The following CLIP2 variants were observed in gnomAD, a reference collection of about 807,000 sequenced individuals.
CLIP2 encodes CAP-Gly domain containing linker protein 2.
A neutral mutation model predicts 111.7 loss-of-function variants in CLIP2; 41 were observed. That is an observed-to-expected ratio of 0.37 (90% CI 0.29 to 0.48). The LOEUF (loss-of-function observed/expected upper bound fraction) is 0.48. CLIP2 is among the 20% of genes least tolerant of loss of function. The pLI is 0.99. For synonymous variants in CLIP2, 660 were observed against 644.2 expected, an observed-to-expected ratio of 1.02 and a Z score of -0.37; for missense variants, 1,160 against 1,422.1, an observed-to-expected ratio of 0.82 and a Z score of 2.96.
chr7:74,360,062 G>A, intron 6 of CLIP2, 113 bp from the exon 7 acceptor site: 3 of 788,900 alleles, frequency 3.8e-6, no homozygotes, highest in Non-Finnish European at 6.0e-6. Flanking sequence ...CAGGGAAGTT[G>A]GGGTGACTGG....
chr7:74,400,429 G>A lies in CLIP2; in HGVS notation c.2940G>A (p.Ala980=), dbSNP rs554697504. 1.5e-5 allele frequency: 24 copies of A among 1,614,026 alleles called. No homozygotes were observed. In the East Asian group the frequency reaches 1.8e-4, roughly 12 times the overall value. Residue 980 remains alanine, a synonymous_variant, in exon 15 of 17, where the codon GCG becomes GCA. Transcript: ENST00000223398. ...ACTCCCTCATCGACCGGTCCTCGGC[G>A]CCCGAGCTTCTGCGGCTGCAGCACC... The part of the protein sequence containing the change: ...RRYSLIDRSS[A]PELLRLQHQL...
rs1442568217 is a variant in CLIP2, at chr7:74,389,362, G to A, written c.2720+103G>A. On this transcript the variant is annotated intron_variant, in intron 13 of 16. Transcript: ENST00000223398. ...ATCTTGGGGCAGAGAGGGGGATAGA[G>A]CTGGTGGGCCAGGTGGCCGATCTCG... is the stretch of plus-strand genomic sequence containing the variant. 2.4e-6 allele frequency: 3 copies of A among 1,271,214 alleles called. No individual in the cohort carries two copies. In the Admixed American group the frequency reaches 8.7e-5, roughly 37 times the overall value. 78.7% of individuals were successfully genotyped at this position (1,271,214 alleles called of 1,614,324 possible).
At chr7:74,375,387 A>T (rs1790744604) in intron 9 of CLIP2, among the ~76,000 whole-genome samples, 1 of 151,558 alleles carries the variant, frequency 6.6e-6, no homozygotes. Context: ...CATCTTTACT[A>T]AAAAAACACA....
At position 74,404,924 on chromosome 7, in the gene CLIP2, G is replaced by C. The variant is rs1268008706; in HGVS notation, c.*1076G>C. 2 of 152,120 alleles carry C rather than the reference G, an allele frequency of 1.3e-5. No individual in the cohort carries two copies. The highest frequency in any genetic ancestry group is 3.9e-4 in the East Asian group (2 of 5,190). 9.4% of individuals were successfully genotyped at this position (152,120 alleles called of 1,614,324 possible). A position where few individuals can be genotyped will look rare whatever the true frequency, so the allele number is the denominator to read the frequency against. ...ACTGAGACCCAGGCCTGGCAGGACCGTGCCTACAGATACTGCAAACGTTCC... is the reference window on the plus strand; with the variant it reads ...ACTGAGACCCAGGCCTGGCAGGACCCTGCCTACAGATACTGCAAACGTTCC... On this transcript the variant is annotated 3_prime_UTR_variant, in exon 17 of 17. Transcript: ENST00000223398.
chr7:74,390,751 G>T (rs55714955), intron 13 of CLIP2, among the ~76,000 whole-genome samples: 73,445 of 138,428 alleles, frequency 0.53, 20,169 homozygotes, highest in Non-Finnish European at 0.61. Flanking sequence ...GGCGGGGTGG[G>T]GGGGGTGGGT....
rs572363628 is a variant in CLIP2, at chr7:74,380,260, A to AT, written c.2422-535dup. 1.6e-3 allele frequency: 239 copies of AT among 148,120 alleles called. 2 individuals carry two copies. The highest frequency in any genetic ancestry group is 7.1e-3 in the Middle Eastern group (2 of 282). 9.2% of individuals were successfully genotyped at this position (148,120 alleles called of 1,614,324 possible). A position where few individuals can be genotyped will look rare whatever the true frequency, so the allele number is the denominator to read the frequency against. ...TGTCATAGTGATGTGTGCCAGGCTG[A>AT]TTTTTTTTTTTAATAGGTCTTTTCT... On this transcript the variant is annotated intron_variant, in intron 10 of 16. Transcript: ENST00000223398.
At chr7:74,346,718 CAAAAAAAAAAA>C (rs1214324954) in intron 3 of CLIP2, among the ~76,000 whole-genome samples, 1 of 56,032 alleles carries the variant, frequency 1.8e-5, no homozygotes, top group South Asian at 6.5e-4. Flanking sequence ...GTAAGATTCT[CAAAAAAAAAAA>C]AAAAAAAAAA....
At chr7:74,313,157 A>G (rs1554728731) in intron 1 of CLIP2, among the ~76,000 whole-genome samples, 1 of 151,774 alleles carries the variant, frequency 6.6e-6, no homozygotes, top group Non-Finnish European at 1.5e-5. Context: ...CTCTACAAAA[A>G]ACTTGTAAAC....
chr7:74,289,499 C>G lies in CLIP2; in HGVS notation c.-303C>G, dbSNP rs1437753511. The G allele has an allele frequency of 1.3e-5, 2 of 150,978 alleles. No individual in the cohort carries two copies. The highest frequency in any genetic ancestry group is 3.0e-5 in the Non-Finnish European group (2 of 67,566). The allele number at this position is 150,978 out of a possible 1,614,324, so 9.4% of individuals were successfully genotyped here. The stretch of plus-strand genomic sequence containing the variant: ...TCGGCTCGGCCGCGGGGCGCGCAGG[C>G]GGCTGCTGGGCGGCCTCGGTGCGCG... On this transcript the variant is annotated 5_prime_UTR_variant, in exon 1 of 17. Transcript: ENST00000223398.
rs1554312705 is a variant in CLIP2 at position 74,375,973 on chromosome 7, G to A, written c.1572G>A (p.Gln524=). 6.2e-7 allele frequency: 1 copy of A among 1,610,514 alleles called. No homozygotes were observed. Among genetic ancestry groups the A allele is most frequent in the Non-Finnish European group, 8.5e-7 (1 of 1,179,040 alleles). Residue 524 remains glutamine (Q), a synonymous_variant, in exon 10 of 17, where the codon CAG becomes CAA. Transcript: ENST00000223398. The part of the protein sequence containing the change: ...LRRGEIEELQ[Q]CLLHSGPPPP... ...GAGGTGAAATCGAGGAGCTCCAGCA[G>A]TGCCTGTTGCACTCGGGTCCCCCAC...
intron 10 of CLIP2, among the ~76,000 whole-genome samples, chr7:74,377,599 T>G (rs1562719805): frequency 2.0e-5 from 3 of 152,176 alleles, no homozygotes; most frequent in African/African-American, 4.8e-5. Context: ...CCATTTCACC[T>G]TAACATCCTT....
intron 2 of CLIP2, among the ~76,000 whole-genome samples, chr7:74,318,400 C>T (rs1554729501): frequency 1.3e-5 from 2 of 152,050 alleles, no homozygotes; most frequent in Admixed American, 6.6e-5. Flanking sequence ...AATTTCTTAC[C>T]TATTCTCTGC....
rs1554732693 is a variant in CLIP2, at chr7:74,338,716, C to T, written c.390C>T (p.Phe130=). ...NDGAVGGVRY[F]ECPALQGIFT... ...GCGCGGTGGGCGGCGTGCGCTACTT[C>T]GAGTGCCCGGCCCTCCAGGGTATCT... Residue 130 remains phenylalanine, a synonymous_variant, in exon 3 of 17, where the codon TTC becomes TTT. Coordinates refer to ENST00000223398, the MANE Select transcript of CLIP2 (RefSeq NM_003388.5). This position sits in a 1 kb window ranked among gnomAD's most constrained non-coding sequence, Gnocchi z 4.3. The T allele has an allele frequency of 4.4e-6, 7 of 1,590,016 alleles. No individual in the cohort carries two copies. The highest frequency in any genetic ancestry group is 1.8e-5 in the Admixed American group (1 of 57,114).
intron 16 of CLIP2, among the ~76,000 whole-genome samples, chr7:74,402,226 A>C (rs1440536019): frequency 6.7e-5 from 10 of 149,266 alleles, no homozygotes; most frequent in Admixed American, 6.1e-4. Flanking sequence ...GCTACTCTGG[A>C]GGCTGAGGCA....
intron 7 of CLIP2, 29 bp from the exon 8 acceptor site, chr7:74,364,226 G>A (rs782326743): frequency 1.9e-6 from 3 of 1,606,822 alleles, no homozygotes; most frequent in Non-Finnish European, 2.6e-6. Context: ...GGCAAAGCCA[G>A]GTCAGCCACC....
At chr7:74,307,494 G>A (rs1244758907) in intron 1 of CLIP2, among the ~76,000 whole-genome samples, 3 of 152,030 alleles carry the variant, frequency 2.0e-5, no homozygotes, top group Non-Finnish European at 4.4e-5. Flanking sequence ...TCGTTTTTTT[G>A]TTTTTGGTTT....
intron 2 of CLIP2, among the ~76,000 whole-genome samples, chr7:74,322,963 T>C (rs1789003761): frequency 6.6e-6 from 1 of 152,050 alleles, no homozygotes; most frequent in Non-Finnish European, 1.5e-5. Context: ...TCTTCTGACC[T>C]TGTGATCCAC....
intron 13 of CLIP2, among the ~76,000 whole-genome samples, chr7:74,391,744 C>T (rs782638183): frequency 7.9e-5 from 12 of 151,536 alleles, no homozygotes; most frequent in Non-Finnish European, 1.5e-4. Flanking sequence ...CACTTGAACC[C>T]GGGAGGCAGA....
chr7:74,350,628 G>T (rs1789957303), intron 3 of CLIP2, among the ~76,000 whole-genome samples: 3 of 152,026 alleles, frequency 2.0e-5, no homozygotes, highest in African/African-American at 7.2e-5. Context: ...ACTCTGGGAG[G>T]CTGAGGAAGG....
Sources: allele counts gnomAD v4.1 joint callset (sites outside exome capture counted in the v4.1 genomes callset), GRCh38; gene constraint gnomAD v4.1.1; non-coding constraint Gnocchi (gnomAD v3.1); transcripts MANE v1.5; gene names NCBI Gene and HGNC (gene_info 2026-07-23, HGNC 2026-07-21).